The following ARNT2 variants were observed in gnomAD, a reference collection of about 807,000 sequenced individuals.
The protein encoded by ARNT2 is aryl hydrocarbon receptor nuclear translocator 2, also known as ARNT protein 2.
ARNT2 carries 36 observed loss-of-function variants against 91.7 expected under a neutral mutation model. The ratio of observed to expected loss-of-function variants is 0.39; its 90% CI spans 0.30 to 0.52. The LOEUF (loss-of-function observed/expected upper bound fraction) is 0.52. Ranked by LOEUF, ARNT2 falls within the 20% of genes least tolerant of loss-of-function variation. The pLI is 0.72. For synonymous variants in ARNT2, 365 were observed against 347.1 expected (o/e 1.05, Z -0.57); for missense variants, 775 against 939.3 (o/e 0.83, Z 2.29).
intron 5 of ARNT2, among the ~76,000 whole-genome samples, chr15:80,476,196 T>G (rs1896800267): frequency 6.6e-6 from 1 of 152,144 alleles, no homozygotes; most frequent in Middle Eastern, 3.2e-3. Context: ...TATTGCGAAA[T>G]GGTAGGAGGA....
At chr15:80,558,647 G>A (rs967484213) in intron 11 of ARNT2, among the ~76,000 whole-genome samples, 10 of 152,058 alleles carry the variant, frequency 6.6e-5, no homozygotes, top group African/African-American at 2.4e-4. Context: ...GCCTTCATGT[G>A]TGCATTTGAT....
chr15:80,497,067 T>A (rs1257194215), intron 5 of ARNT2, among the ~76,000 whole-genome samples: 5 of 152,190 alleles, frequency 3.3e-5, no homozygotes, highest in Non-Finnish European at 7.3e-5. Flanking sequence ...TGCCTAAGTG[T>A]CGATAATGTT....
At chr15:80,576,739 G>T in intron 14 of ARNT2, 127 bp from the exon 15 acceptor site, 1 of 911,740 alleles carries the variant, frequency 1.1e-6, no homozygotes, top group Non-Finnish European at 1.7e-6. Flanking sequence ...ATTGCGTGCA[G>T]GCGGGCTGCC....
At chr15:80,474,528 G>C (rs780723896) in intron 4 of ARNT2, among the ~76,000 whole-genome samples, 3 of 152,184 alleles carry the variant, frequency 2.0e-5, no homozygotes, top group Non-Finnish European at 4.4e-5. Context: ...CTTTCAGTAC[G>C]GCAAGCTGTG....
intron 17 of ARNT2, among the ~76,000 whole-genome samples, chr15:80,590,336 TC>T (rs1445240532): frequency 6.6e-6 from 1 of 152,270 alleles, no homozygotes; most frequent in African/African-American, 2.4e-5. Flanking sequence ...AGGTATCTTC[TC>T]TGAAGGTATT....
intron 1 of ARNT2, among the ~76,000 whole-genome samples, chr15:80,410,215 A>G (rs1456160768): frequency 6.6e-6 from 1 of 152,184 alleles, no homozygotes; most frequent in Non-Finnish European, 1.5e-5. Context: ...TACTGGGGGC[A>G]GGGATGCCAT....
At chr15:80,535,609 C>T (rs1214968593) in intron 8 of ARNT2, among the ~76,000 whole-genome samples, 2 of 152,186 alleles carry the variant, frequency 1.3e-5, no homozygotes, top group Non-Finnish European at 2.9e-5. Context: ...TGATTTTCTC[C>T]TATGAGGTCT....
intron 17 of ARNT2, among the ~76,000 whole-genome samples, chr15:80,590,282 T>C (rs984962388): frequency 5.3e-5 from 8 of 152,214 alleles, no homozygotes; most frequent in Non-Finnish European, 1.2e-4. Flanking sequence ...ACTGAATGAT[T>C]TGAAACAAGA....
chr15:80,507,295 C>T (rs1183022765), intron 5 of ARNT2, among the ~76,000 whole-genome samples: 1 of 152,132 alleles, frequency 6.6e-6, no homozygotes, highest in Non-Finnish European at 1.5e-5. Flanking sequence ...TTCACTGCTT[C>T]TTCCTCTGAG....
chr15:80,529,560 A>G (rs1417530669), intron 8 of ARNT2, among the ~76,000 whole-genome samples: 2 of 130,124 alleles, frequency 1.5e-5, no homozygotes, highest in Admixed American at 7.7e-5. Context: ...CCTTTTCCTT[A>G]GAGTTCAGAA....
At chr15:80,592,155 C>G (rs976974574) in intron 18 of ARNT2, among the ~76,000 whole-genome samples, 11 of 152,170 alleles carry the variant, frequency 7.2e-5, no homozygotes, top group African/African-American at 2.7e-4. Context: ...TGGCTCTGCT[C>G]TCCTCTGTGG....
intron 8 of ARNT2, among the ~76,000 whole-genome samples, chr15:80,522,565 A>G (rs1897566583): frequency 6.6e-6 from 1 of 152,128 alleles, no homozygotes; most frequent in South Asian, 2.1e-4. Context: ...TGTTGCTCCT[A>G]GGCTACAAAT....
intron 1 of ARNT2, among the ~76,000 whole-genome samples, chr15:80,412,496 G>C (rs373010227): frequency 8.7e-5 from 5 of 57,690 alleles, no homozygotes; most frequent in Admixed American, 2.5e-4. Flanking sequence ...TCTAAATATT[G>C]TGTGTGTGTG....
At chr15:80,488,820 G>A (rs1897014029) in intron 5 of ARNT2, 1 of 152,092 alleles carries the variant, frequency 6.6e-6, no homozygotes, top group South Asian at 2.1e-4. Context: ...TGTTAAAAAT[G>A]TAGTCATCAA....
chr15:80,425,189 C>T (rs1041881099), intron 1 of ARNT2, among the ~76,000 whole-genome samples: 3 of 152,126 alleles, frequency 2.0e-5, no homozygotes, highest in Admixed American at 6.5e-5. Flanking sequence ...AACATATCTC[C>T]GAGTAGCTCA....
chr15:80,574,122 C>A (rs192920201), intron 12 of ARNT2, 26 bp from the exon 13 acceptor site: 362 of 1,609,240 alleles, frequency 2.2e-4, no homozygotes, highest in Non-Finnish European at 2.9e-4. Context: ...TTCTTCATGA[C>A]CCTCTGTTGT....
intron 1 of ARNT2, among the ~76,000 whole-genome samples, chr15:80,409,042 A>G (rs1895645329): frequency 6.6e-6 from 1 of 152,172 alleles, no homozygotes; most frequent in Non-Finnish European, 1.5e-5. Flanking sequence ...AGAGTAGTAC[A>G]TGTGTTACAA....
At chr15:80,414,120 T>A (rs1895741983) in intron 1 of ARNT2, among the ~76,000 whole-genome samples, 1 of 152,188 alleles carries the variant, frequency 6.6e-6, no homozygotes, top group African/African-American at 2.4e-5. Context: ...GACCTCTAAG[T>A]TGGGTGGCAG....
At position 80,452,054 on chromosome 15, in the gene ARNT2, C is replaced by A. The variant is rs557001299; in HGVS notation, c.146+1060C>A. Among the ~76,000 whole-genome samples the A allele has an allele frequency of 1.4e-4, 21 of 152,232 alleles. No homozygotes were observed. The Middle Eastern group carries it at 0.01, about 74-fold the overall frequency. On this transcript the variant is annotated intron_variant, in intron 2 of 18. Transcript: ENST00000303329. ...GGTCCAATATGATTCTTAAAGGGGGCATAAGTGGAGGCAATGGGAAGTATC... is the reference window on the plus strand; with the variant it reads ...GGTCCAATATGATTCTTAAAGGGGGAATAAGTGGAGGCAATGGGAAGTATC...
Sources: allele counts gnomAD v4.1 joint callset (sites outside exome capture counted in the v4.1 genomes callset), GRCh38; gene constraint gnomAD v4.1.1; transcripts MANE v1.5; gene names NCBI Gene and HGNC (gene_info 2026-07-23, HGNC 2026-07-21).